Variants in KCNIP4 observed in about 807,000 individuals in gnomAD.
The protein encoded by KCNIP4 is Kv channel-interacting protein 4.
KCNIP4 carries 12 observed loss-of-function variants against 34.0 expected under a neutral mutation model. The ratio of observed to expected loss-of-function variants is 0.35; its 90% CI spans 0.23 to 0.57. KCNIP4 has a LOEUF of 0.57. Ranked by LOEUF, KCNIP4 falls within the 20% of genes least tolerant of loss-of-function variation. The pLI is 0.83. For synonymous variants in KCNIP4, 124 were observed against 102.2 expected (o/e 1.21, Z -1.29); for missense variants, 238 against 311.7 (o/e 0.76, Z 1.78).
At position 21,138,327 on chromosome 4, in the gene KCNIP4, A is replaced by C. The variant is rs544993992; in HGVS notation, c.62-255618T>G. Reference sequence around the variant, plus strand: ...TTCCCCATCTTATTTTTCTTATTGTACTTATACCTTGCTTGTCAAACTTTA... The same window carrying C: ...TTCCCCATCTTATTTTTCTTATTGTCCTTATACCTTGCTTGTCAAACTTTA... On this transcript the variant is annotated intron_variant, in intron 1 of 8. Coordinates refer to ENST00000382152, the MANE Select transcript of KCNIP4 (RefSeq NM_025221.6). Among the ~76,000 whole-genome samples, 4 of 152,166 alleles carry C rather than the reference A, an allele frequency of 2.6e-5. No homozygotes were observed. The South Asian group carries it at 8.3e-4, about 32-fold the overall frequency.
At chr4:21,488,787 C>T (rs967455036) in intron 1 of KCNIP4, among the ~76,000 whole-genome samples, 1 of 151,954 alleles carries the variant, frequency 6.6e-6, no homozygotes, top group African/African-American at 2.4e-5. Context: ...AATGATTAAT[C>T]AAACTGTCAG....
At chr4:20,993,911 C>G (rs1008263429) in intron 1 of KCNIP4, among the ~76,000 whole-genome samples, 2 of 152,144 alleles carry the variant, frequency 1.3e-5, no homozygotes, top group African/African-American at 2.4e-5. Context: ...CCTTTTCCAG[C>G]TTCTAGAGGC....
intron 1 of KCNIP4, among the ~76,000 whole-genome samples, chr4:21,680,658 T>C (rs1035264188): frequency 2.6e-5 from 4 of 152,200 alleles, no homozygotes; most frequent in African/African-American, 9.6e-5. Context: ...AGAATGGATG[T>C]TGTGTTAGCA....
intron 1 of KCNIP4, among the ~76,000 whole-genome samples, chr4:21,757,589 A>T (rs1184748627): frequency 6.6e-6 from 1 of 152,198 alleles, no homozygotes; most frequent in African/African-American, 2.4e-5. Context: ...ACCATTTATT[A>T]CAGATTGAGC....
chr4:21,032,654 C>A (rs144164158), intron 1 of KCNIP4, among the ~76,000 whole-genome samples: 27 of 152,094 alleles, frequency 1.8e-4, no homozygotes, highest in Non-Finnish European at 1.8e-4. Context: ...ACTGAGAATG[C>A]GTAAACATGG....
chr4:21,545,092 A>G (rs1399286982), intron 1 of KCNIP4, among the ~76,000 whole-genome samples: 1 of 152,162 alleles, frequency 6.6e-6, no homozygotes, highest in African/African-American at 2.4e-5. Context: ...TAGCAAGGAG[A>G]GTGACCTCTG....
intron 5 of KCNIP4, among the ~76,000 whole-genome samples, chr4:20,744,938 G>A (rs954104077): frequency 2.0e-4 from 30 of 152,100 alleles, no homozygotes; most frequent in Admixed American, 1.3e-3. Context: ...TGACCTGGGC[G>A]AAGTCAGGAA....
intron 1 of KCNIP4, among the ~76,000 whole-genome samples, chr4:21,072,538 G>C (rs1308933019): frequency 2.0e-5 from 3 of 151,848 alleles, no homozygotes; most frequent in Admixed American, 1.3e-4. Flanking sequence ...GTAGATTCTG[G>C]ATATTAGTCC....
intron 1 of KCNIP4, among the ~76,000 whole-genome samples, chr4:21,513,879 G>A (rs985906397): frequency 3.3e-5 from 5 of 152,184 alleles, no homozygotes; most frequent in Admixed American, 6.5e-5. Context: ...GGATCTGTAC[G>A]ACCTGAAGGT....
intron 1 of KCNIP4, among the ~76,000 whole-genome samples, chr4:20,893,486 G>A (rs115015795): frequency 0.013 from 2,022 of 152,076 alleles, 19 homozygotes; most frequent in Non-Finnish European, 0.02. Flanking sequence ...GCAGCAGCTT[G>A]ATCATGGCTC....
chr4:20,730,140 G>GAAAC lies in KCNIP4; in HGVS notation c.706-15_706-12dup, dbSNP rs768204165. 64 of 1,602,028 alleles carry GAAAC rather than the reference G, an allele frequency of 4.0e-5. No individual in the cohort carries two copies. The South Asian group carries it at 6.9e-4, about 17-fold the overall frequency. On this transcript the variant is annotated splice_polypyrimidine_tract_variant and intron_variant, in intron 8 of 8. Transcript: ENST00000382152. ...CATTATGTTTTCATCCTGTAAGGGA[G>GAAAC]AAACACAGAGCGATTAAATTCAGCA...
At chr4:21,412,884 T>A (rs933715640) in intron 1 of KCNIP4, among the ~76,000 whole-genome samples, 2 of 152,238 alleles carry the variant, frequency 1.3e-5, no homozygotes, top group Admixed American at 1.3e-4. Context: ...GACATTGGTA[T>A]ACAAGCATTC....
intron 1 of KCNIP4, among the ~76,000 whole-genome samples, chr4:20,938,349 A>C (rs1479515087): frequency 1.3e-5 from 2 of 152,096 alleles, no homozygotes; most frequent in Non-Finnish European, 2.9e-5. Context: ...ATATTTCATG[A>C]AGACAAAACC....
At chr4:21,217,508 G>A (rs1757674877) in intron 1 of KCNIP4, among the ~76,000 whole-genome samples, 1 of 152,166 alleles carries the variant, frequency 6.6e-6, no homozygotes, top group South Asian at 2.1e-4. Context: ...CCAGTAACCT[G>A]TAGAACCCAA....
At chr4:21,322,759 A>G (rs1190132172) in intron 1 of KCNIP4, among the ~76,000 whole-genome samples, 2 of 152,102 alleles carry the variant, frequency 1.3e-5, no homozygotes, top group African/African-American at 4.8e-5. Flanking sequence ...ATAACCATCT[A>G]TGTGATTCAG....
intron 1 of KCNIP4, among the ~76,000 whole-genome samples, chr4:21,215,987 T>G (rs1757549177): frequency 6.6e-6 from 1 of 152,014 alleles, no homozygotes; most frequent in Non-Finnish European, 1.5e-5. Context: ...GATGGGGTCT[T>G]GCTATGTTTT....
intron 1 of KCNIP4, among the ~76,000 whole-genome samples, chr4:21,072,222 T>A (rs1745013831): frequency 6.6e-6 from 1 of 152,312 alleles, no homozygotes; most frequent in South Asian, 2.1e-4. Context: ...CGCCACACTG[T>A]CTTCCACAAT....
chr4:20,759,986 C>G (rs917294918), intron 3 of KCNIP4, among the ~76,000 whole-genome samples: 6 of 152,174 alleles, frequency 3.9e-5, no homozygotes. Flanking sequence ...AGAAGTTGGT[C>G]CTTCCTATCC....
chr4:21,404,089 C>T (rs1003417662), intron 1 of KCNIP4, among the ~76,000 whole-genome samples: 3 of 152,206 alleles, frequency 2.0e-5, no homozygotes, highest in Non-Finnish European at 2.9e-5. Context: ...CAAGCACACT[C>T]CCACCTGTGG....
Sources: allele counts gnomAD v4.1 joint callset (sites outside exome capture counted in the v4.1 genomes callset), GRCh38; gene constraint gnomAD v4.1.1; transcripts MANE v1.5; gene names NCBI Gene and HGNC (gene_info 2026-07-23, HGNC 2026-07-21).